The following TNRC6C variants were observed in gnomAD, a reference collection of about 807,000 sequenced individuals.
The protein encoded by TNRC6C is trinucleotide repeat containing adaptor 6C.
In TNRC6C, 20 loss-of-function variants were observed where a neutral mutation model predicts 153.7. The observed-to-expected ratio is 0.13, with a 90% CI of 0.09 to 0.19. The LOEUF is 0.19. Among genes scored for constraint, TNRC6C ranks in the 10% least tolerant of loss-of-function variants. TNRC6C has a pLI of 1.00. For synonymous variants in TNRC6C, 811 were observed against 841.4 expected, an observed-to-expected ratio of 0.96 and a Z score of 0.63; for missense variants, 1,987 against 2,172.0, an observed-to-expected ratio of 0.91 and a Z score of 1.69.
upstream of TNRC6C, among the ~76,000 whole-genome samples, chr17:77,999,273 T>C (rs1436221273): frequency 1.3e-5 from 2 of 152,208 alleles, no homozygotes; most frequent in African/African-American, 4.8e-5. Flanking sequence ...GATGGGTTTC[T>C]CTTGGTTGTA....
chr17:77,970,129 A>G (rs2070929395), intron 1 of TNRC6C, among the ~76,000 whole-genome samples: 1 of 152,242 alleles, frequency 6.6e-6, no homozygotes, highest in African/African-American at 2.4e-5. Context: ...GTTCTTCAAC[A>G]CAAAAAGTTT....
chr17:78,055,885 G>A (rs2144078880), intron 3 of TNRC6C, among the ~76,000 whole-genome samples: 1 of 152,282 alleles, frequency 6.6e-6, no homozygotes, highest in South Asian at 2.1e-4. Context: ...GAGGGAGATG[G>A]TGAAGTCTCA....
At position 78,082,918 on chromosome 17, in the gene TNRC6C, A is replaced by G. The variant is rs7208011; in HGVS notation, c.3358-129A>G. 3.9e-3 allele frequency: 4,140 copies of G among 1,058,260 alleles called. 104 individuals carry two copies. The African/African-American group carries it at 0.059, about 15-fold the overall frequency. The allele number at this position is 1,058,260 out of a possible 1,614,324, so 65.6% of individuals were successfully genotyped here. On this transcript the variant is annotated intron_variant, in intron 10 of 19. Transcript: ENST00000301624. ...TCAGGAGCATTTCATCTTTTATTCCATAGCAGTAGTTTCAGGGGGTCTCCC... is the reference window on the plus strand; with the variant it reads ...TCAGGAGCATTTCATCTTTTATTCCGTAGCAGTAGTTTCAGGGGGTCTCCC...
chr17:78,082,816 C>T (rs1414684598), intron 10 of TNRC6C, among the ~76,000 whole-genome samples: 5 of 152,206 alleles, frequency 3.3e-5, no homozygotes, highest in South Asian at 2.1e-4. Context: ...GCACATCACG[C>T]GCTGTTGGCT....
At chr17:78,013,474 C>A (rs1206622128) in intron 1 of TNRC6C, among the ~76,000 whole-genome samples, 1 of 152,178 alleles carries the variant, frequency 6.6e-6, no homozygotes, top group East Asian at 1.9e-4. Context: ...GCTAACTAAT[C>A]ATTTGATCCA....
chr17:78,044,961 G>T (rs1350112976), intron 2 of TNRC6C, among the ~76,000 whole-genome samples: 1 of 152,208 alleles, frequency 6.6e-6, no homozygotes, highest in Non-Finnish European at 1.5e-5. Flanking sequence ...CCAGGCAGGG[G>T]ATGGCACCTT....
intron 1 of TNRC6C, among the ~76,000 whole-genome samples, chr17:78,014,916 G>C (rs550950298): frequency 6.6e-6 from 1 of 151,866 alleles, no homozygotes; most frequent in Non-Finnish European, 1.5e-5. Flanking sequence ...GCTGTCTTCT[G>C]CTCGCATCTC....
intron 12 of TNRC6C, 47 bp from the exon 15 acceptor site, chr17:78,086,806 A>G (rs942171184): frequency 3.1e-6 from 5 of 1,599,756 alleles, no homozygotes; most frequent in Non-Finnish European, 4.3e-6. Flanking sequence ...ACAAGCCATG[A>G]GTGTCCCTTC....
At chr17:78,006,411 A>G (rs908804677) in intron 1 of TNRC6C, among the ~76,000 whole-genome samples, 6 of 152,218 alleles carry the variant, frequency 3.9e-5, no homozygotes, top group Non-Finnish European at 7.3e-5. Flanking sequence ...TCTTGAATGA[A>G]AAACAATGGT....
chr17:78,010,210 T>G (rs1169967981), intron 1 of TNRC6C, among the ~76,000 whole-genome samples: 2 of 152,214 alleles, frequency 1.3e-5, no homozygotes, highest in African/African-American at 4.8e-5. Context: ...TAATCTTGTT[T>G]ATAAAGAGTA....
intron 17 of TNRC6C, 130 bp downstream of exon 20, chr17:78,098,667 C>A: frequency 1.0e-6 from 1 of 958,174 alleles, no homozygotes; most frequent in Non-Finnish European, 1.5e-6. Flanking sequence ...CTTAGGAGGG[C>A]ACCAGGGCCA....
intron 1 of TNRC6C, among the ~76,000 whole-genome samples, chr17:77,981,386 T>G (rs1315987461): frequency 6.6e-6 from 1 of 152,186 alleles, no homozygotes. Context: ...TAATCCTGCC[T>G]TGGTGTTTAT....
chr17:77,991,620 C>T (rs2071251614), intron 1 of TNRC6C, among the ~76,000 whole-genome samples: 1 of 152,152 alleles, frequency 6.6e-6, no homozygotes, highest in Non-Finnish European at 1.5e-5. Flanking sequence ...CTTGGCCAGC[C>T]TCTCTGGACT....
At chr17:78,090,295 C>T (rs2073370872) in intron 13 of TNRC6C, among the ~76,000 whole-genome samples, 1 of 152,318 alleles carries the variant, frequency 6.6e-6, no homozygotes, top group Non-Finnish European at 1.5e-5. Flanking sequence ...CAGACACTCT[C>T]TGGTTTGCCA....
intron 2 of TNRC6C, among the ~76,000 whole-genome samples, chr17:78,033,222 G>A (rs1010268430): frequency 1.3e-5 from 2 of 152,180 alleles, no homozygotes; most frequent in African/African-American, 4.8e-5. Context: ...AATGCTGCTG[G>A]TGCAGAATGT....
At chr17:78,084,621 CTT>C (rs888498648) in intron 11 of TNRC6C, among the ~76,000 whole-genome samples, 15 of 134,130 alleles carry the variant, frequency 1.1e-4, no homozygotes, top group Non-Finnish European at 9.5e-5. Context: ...TTTTCTTTTT[CTT>C]TTTTTTTTTT....
chr17:78,044,930 A>G (rs1194922115), intron 2 of TNRC6C, among the ~76,000 whole-genome samples: 1 of 152,204 alleles, frequency 6.6e-6, no homozygotes, highest in African/African-American at 2.4e-5. Flanking sequence ...TTGAGATGGG[A>G]AAAAAGAATA....
intron 1 of TNRC6C, among the ~76,000 whole-genome samples, chr17:78,028,236 A>G (rs2071986376): frequency 6.6e-6 from 1 of 152,140 alleles, no homozygotes; most frequent in Admixed American, 6.5e-5. Context: ...TTTCTTCTGC[A>G]GAGTAGTCAA....
At chr17:77,963,254 T>C (rs1292971056) in intron 1 of TNRC6C, among the ~76,000 whole-genome samples, 1 of 152,230 alleles carries the variant, frequency 6.6e-6, no homozygotes, top group Admixed American at 6.5e-5. Flanking sequence ...ATATCTGAAA[T>C]TGAAACTGAG....
Sources: allele counts gnomAD v4.1 joint callset (sites outside exome capture counted in the v4.1 genomes callset), GRCh38; gene constraint gnomAD v4.1.1; transcripts MANE v1.5; gene names NCBI Gene and HGNC (gene_info 2026-07-23, HGNC 2026-07-21).